The following TUB variants were observed in gnomAD, a reference collection of about 807,000 sequenced individuals.
TUB encodes TUB bipartite transcription factor.
Under a neutral mutation model 59.7 loss-of-function variants are expected in TUB, and 33 were observed. The observed-to-expected ratio is 0.55, with a 90% CI of 0.42 to 0.74. The LOEUF is 0.74. Ranked by LOEUF, TUB falls within the 30% of genes least tolerant of loss-of-function variation. The pLI, the probability that TUB is intolerant of heterozygous loss-of-function variation, is 0.00. For missense variants in TUB, 659 were observed against 672.0 expected (o/e 0.98, Z 0.21); for synonymous variants, 293 against 256.4 (o/e 1.14, Z -1.36).
intron 2 of TUB, among the ~76,000 whole-genome samples, chr11:8,058,804 G>A (rs1943067366): frequency 6.6e-6 from 1 of 152,204 alleles, no homozygotes; most frequent in African/African-American, 2.4e-5. Flanking sequence ...CAGATAAAGA[G>A]TTAGGCGAAA....
chr11:8,069,931 C>T (rs1943328154), intron 2 of TUB, among the ~76,000 whole-genome samples: 1 of 152,214 alleles, frequency 6.6e-6, no homozygotes, highest in Admixed American at 6.5e-5. Flanking sequence ...ACTCTCACTG[C>T]TGCCCACTAA....
Position 8,089,611 on chromosome 11 carries a change from G to T in TUB, c.40G>T (p.Val14Phe). The change falls in exon 2 of 12, where the codon GTC (valine) becomes TTC (phenylalanine). Residue 14 changes from valine (V) to phenylalanine (F), a missense_variant and splice_region_variant. Around this residue, in one of 3 missense-constraint regions of TUB, gnomAD observed 321 missense variants for 304.3 expected, o/e 1.05. Transcript: ENST00000299506. ...GAAAACCCCTCTTTCGCTCTGCAGT[G>T]TCTTAGATGATGAGGGCAGAAACCT... ...KPHSDWIPYS[V>F]LDDEGRNLRQ... is the part of the protein sequence containing the mutation. 6.2e-7 allele frequency: 1 copy of T among 1,614,196 alleles called. No individual in the cohort carries two copies. Among genetic ancestry groups the T allele is most frequent in the South Asian group, 1.1e-5 (1 of 91,078 alleles).
Position 8,100,614 on chromosome 11 carries a change from C to T in TUB, c.1215+13C>T, listed in dbSNP as rs574124367. 6 of 1,608,912 alleles carry T rather than the reference C, an allele frequency of 3.7e-6. No homozygotes were observed. In the Admixed American group the frequency reaches 6.7e-5, roughly 18 times the overall value. ...CCGCCCCCGCAACGTGAGTGTCTAC[C>T]CCTTCCTCCCCTCTTTCCCCATCAT... On this transcript the variant is annotated intron_variant, in intron 10 of 11. Transcript: ENST00000299506.
At chr11:8,048,767 A>G (rs1425159110) in intron 2 of TUB, among the ~76,000 whole-genome samples, 1 of 152,192 alleles carries the variant, frequency 6.6e-6, no homozygotes, top group African/African-American at 2.4e-5. Context: ...TGGACTATTC[A>G]TACTCAATAT....
rs2133727492 is a variant in TUB, at chr11:8,038,877, G to GGGGC, written c.5_8dup (p.Arg4GlyfsTer70). On this transcript the variant is annotated frameshift_variant, in exon 1 of 13. Coordinates refer to the TUB transcript ENST00000305253. LOFTEE classifies it high-confidence loss of function. Reference sequence around the variant, plus strand: ...CCCACTCCATCCTGTGGCCACGATGGGGGCCAGGACACCTTTGCCTTCTTT... The same window carrying GGGGC: ...CCCACTCCATCCTGTGGCCACGATGGGGGCGGGCCAGGACACCTTTGCCTTCTTT... The GGGGC allele has an allele frequency of 6.2e-7, 1 of 1,613,938 alleles. No individual in the cohort carries two copies. Among genetic ancestry groups the GGGGC allele is most frequent in the Admixed American group, 1.7e-5 (1 of 60,000 alleles).
At chr11:8,025,685 T>G (rs577177392) in intron 1 of TUB, among the ~76,000 whole-genome samples, 4 of 152,364 alleles carry the variant, frequency 2.6e-5, no homozygotes, top group African/African-American at 7.2e-5. Flanking sequence ...CTGAGTAGTA[T>G]TCATGGATAT....
intron 1 of TUB, among the ~76,000 whole-genome samples, chr11:8,029,742 G>C (rs1366258894): frequency 6.6e-6 from 1 of 152,034 alleles, no homozygotes; most frequent in East Asian, 1.9e-4. Context: ...CTATGGCCTC[G>C]GTGTGTGTTC....
At chr11:8,026,137 T>G (rs1285020776) in intron 1 of TUB, among the ~76,000 whole-genome samples, 1 of 152,240 alleles carries the variant, frequency 6.6e-6, no homozygotes, top group Admixed American at 6.5e-5. Context: ...TTAAAATATT[T>G]CCCCATCTTT....
chr11:8,039,511 A>G, intron 1 of TUB: 1 of 682,196 alleles, frequency 1.5e-6, no homozygotes, highest in Non-Finnish European at 2.3e-6. Flanking sequence ...CCATCACGTA[A>G]CTCACCTACT....
Position 8,039,173 on chromosome 11 carries a change from C to A in TUB, c.155+145C>A, listed in dbSNP as rs1942699867. On this transcript the variant is annotated intron_variant, in intron 1 of 12. Coordinates refer to the TUB transcript ENST00000305253. ...GCTCCCCTATCACCACGTGGAGCCC[C>A]ACAGGTATATCCCCGCAAACCCCTC... The A allele has an allele frequency of 7.4e-6, 8 of 1,086,976 alleles. No homozygotes were observed. In the South Asian group the frequency reaches 1.3e-4, roughly 18 times the overall value. The allele number at this position is 1,086,976 out of a possible 1,614,324, so 67.3% of individuals were successfully genotyped here. A position where few individuals can be genotyped will look rare whatever the true frequency, so the allele number is the denominator to read the frequency against.
At position 8,105,595 on chromosome 11, in the gene TUB, C is replaced by G. The variant is rs1003691959; in HGVS notation, c.*3976C>G. ...ATTTTGAGCAAACCACATAATCTCT[C>G]TAGGTCCATTTTCCTAACCACAAGA... is the stretch of plus-strand genomic sequence containing the variant. On this transcript the variant is annotated 3_prime_UTR_variant, in exon 12 of 12. Coordinates refer to ENST00000299506, the MANE Select transcript of TUB (RefSeq NM_177972.3). 1 of 152,222 alleles carries G rather than the reference C, an allele frequency of 6.6e-6. No homozygotes were observed. The highest frequency in any genetic ancestry group is 1.5e-5 in the Non-Finnish European group (1 of 68,042). 9.4% of individuals were successfully genotyped at this position (152,222 alleles called of 1,614,324 possible). A position where few individuals can be genotyped will look rare whatever the true frequency, so the allele number is the denominator to read the frequency against.
At chr11:8,048,774 A>G (rs1038335458) in intron 2 of TUB, among the ~76,000 whole-genome samples, 3 of 152,224 alleles carry the variant, frequency 2.0e-5, no homozygotes, top group Non-Finnish European at 2.9e-5. Context: ...TTCATACTCA[A>G]TATCAATTAA....
chr11:8,040,359 G>A (rs188796565), intron 2 of TUB, among the ~76,000 whole-genome samples: 1 of 152,308 alleles, frequency 6.6e-6, no homozygotes, highest in Admixed American at 6.5e-5. Flanking sequence ...CCTGTCCCCA[G>A]CTGCAGAGTG....
intron 3 of TUB, among the ~76,000 whole-genome samples, chr11:8,090,709 A>G (rs1208578741): frequency 6.6e-6 from 1 of 150,966 alleles, no homozygotes; most frequent in African/African-American, 2.4e-5. Flanking sequence ...CTGGCTCACA[A>G]CTCCTTAAGA....
rs747206546 is a variant in TUB at position 8,090,248 on chromosome 11, G to GC, written c.253+21dup. On this transcript the variant is annotated intron_variant, in intron 3 of 11. Coordinates refer to ENST00000299506, the MANE Select transcript of TUB (RefSeq NM_177972.3). ...GCTACCAAGGTATACCTTGCCTGCT[G>GC]CCCCACATCCCGTCACTGCTTCGGG... 6.2e-7 allele frequency: 1 copy of GC among 1,611,976 alleles called. No individual in the cohort carries two copies.
At chr11:8,049,584 TA>T (rs1942898649) in intron 2 of TUB, among the ~76,000 whole-genome samples, 1 of 138,692 alleles carries the variant, frequency 7.2e-6, no homozygotes, top group Non-Finnish European at 1.5e-5. Flanking sequence ...TATATATAGA[TA>T]GATAGATAGA....
chr11:8,038,507 T>A, upstream of TUB: 1 of 700,112 alleles, frequency 1.4e-6, no homozygotes, highest in Non-Finnish European at 1.8e-6. Flanking sequence ...AGATGGGGCC[T>A]TTGTCCGCAG....
intron 1 of TUB, among the ~76,000 whole-genome samples, chr11:8,031,659 G>A (rs1025015201): frequency 6.6e-6 from 1 of 152,248 alleles, no homozygotes; most frequent in Non-Finnish European, 1.5e-5. Flanking sequence ...ATCTTCCTTG[G>A]TCTCACTTTT....
At chr11:8,033,057 C>T (rs77733789) in intron 1 of TUB, among the ~76,000 whole-genome samples, 2,034 of 152,142 alleles carry the variant, frequency 0.013, 48 homozygotes, top group South Asian at 0.11. Context: ...GAGACCCTGC[C>T]GAACAGATAA....
Sources: gnomAD v4.1 joint callset for allele counts (sites outside exome capture counted in the v4.1 genomes callset) on GRCh38, gnomAD v4.1.1 for gene constraint, gnomAD v4.1.1 regional missense constraint, MANE v1.5 for transcripts, NCBI Gene and HGNC (gene_info 2026-07-23, HGNC 2026-07-21) for gene names.